Variants in PHYHIPL observed in about 807,000 individuals in gnomAD.
PHYHIPL encodes phytanoyl-CoA hydroxylase-interacting protein-like.
PHYHIPL carries 9 observed loss-of-function variants against 33.4 expected under a neutral mutation model. That is an observed-to-expected ratio of 0.27 (90% CI 0.16 to 0.47). The LOEUF is 0.47. Among genes scored for constraint, PHYHIPL ranks in the 20% least tolerant of loss-of-function variants. The probability of loss-of-function intolerance (pLI) is 0.99; values close to 1 mark genes in which losing one functional copy is unlikely to be tolerated. For missense variants in PHYHIPL, 365 were observed against 460.7 expected, an observed-to-expected ratio of 0.79 and a Z score of 1.90; for synonymous variants, 153 against 154.1, an observed-to-expected ratio of 0.99 and a Z score of 0.05.
In PHYHIPL at chr10:59,190,942, T is replaced by A. The variant is rs1838766951; in HGVS notation, c.106+13983T>A. Among the ~76,000 whole-genome samples the A allele has an allele frequency of 2.6e-5, 4 of 152,014 alleles. No individual in the cohort carries two copies. In the South Asian group the frequency reaches 8.3e-4, roughly 31 times the overall value. On this transcript the variant is annotated intron_variant, in intron 1 of 4. Coordinates refer to ENST00000373880, the MANE Select transcript of PHYHIPL (RefSeq NM_032439.4). ...ATTATCCAAAACTATTTTTTAAATA[T>A]CTAAATATCTAATCCTTATTAGTGT...
intron 4 of PHYHIPL, among the ~76,000 whole-genome samples, chr10:59,243,700 T>C (rs952728630): frequency 3.3e-5 from 5 of 152,134 alleles, no homozygotes; most frequent in Non-Finnish European, 7.3e-5. Context: ...TTTCCCTTAC[T>C]TGAGTAGTAG....
At chr10:59,242,618 T>C (rs1421268477) in intron 4 of PHYHIPL, among the ~76,000 whole-genome samples, 1 of 152,088 alleles carries the variant, frequency 6.6e-6, no homozygotes, top group Non-Finnish European at 1.5e-5. Context: ...CTGACAAAGA[T>C]ATTTAAGCAG....
At chr10:59,241,892 T>TAAAG (rs1564460845) in intron 4 of PHYHIPL, among the ~76,000 whole-genome samples, 3 of 152,032 alleles carry the variant, frequency 2.0e-5, no homozygotes, top group African/African-American at 7.2e-5. Flanking sequence ...AAAAAAGAAA[T>TAAAG]AAAGAACACC....
At position 59,191,142 on chromosome 10, in the gene PHYHIPL, T is replaced by G. The variant is rs1245315879; in HGVS notation, c.106+14183T>G. ...CATTTTCTTCTCCATTGTGTATTGTTTTACGATTTCTGAATTTACCTAGTT... is the reference window on the plus strand; with the variant it reads ...CATTTTCTTCTCCATTGTGTATTGTGTTACGATTTCTGAATTTACCTAGTT... On this transcript the variant is annotated intron_variant, in intron 1 of 4. Transcript: ENST00000373880. 4.6e-5 allele frequency among the ~76,000 whole-genome samples: 7 copies of G among 151,874 alleles called. No individual in the cohort carries two copies. The East Asian group carries it at 1.3e-3, about 29-fold the overall frequency.
intron 1 of PHYHIPL, among the ~76,000 whole-genome samples, chr10:59,226,611 A>G (rs1464180151): frequency 1.3e-5 from 2 of 152,144 alleles, no homozygotes; most frequent in Non-Finnish European, 2.9e-5. Context: ...GAGGTGTCCT[A>G]TAGGGAAGAG....
chr10:59,223,938 G>T (rs1839848177), intron 1 of PHYHIPL, among the ~76,000 whole-genome samples: 3 of 152,144 alleles, frequency 2.0e-5, no homozygotes. Flanking sequence ...GGGATTACAG[G>T]CATGATCCAC....
In PHYHIPL at chr10:59,246,106, A is replaced by G. The variant is rs1358862802; in HGVS notation, c.*515A>G. The G allele has an allele frequency of 2.6e-5, 4 of 152,930 alleles. No homozygotes were observed. The highest frequency in any genetic ancestry group is 9.6e-5 in the African/African-American group (4 of 41,466). 9.5% of individuals were successfully genotyped at this position (152,930 alleles called of 1,614,324 possible). ...TGTTATTTATATTAGCTAACAGGAA[A>G]CAACTACTGTGTTTCAACATAATAA... On this transcript the variant is annotated 3_prime_UTR_variant, in exon 5 of 5. Coordinates refer to ENST00000373880, the MANE Select transcript of PHYHIPL (RefSeq NM_032439.4).
In PHYHIPL at chr10:59,245,038, C is replaced by T. The variant is rs753976992; in HGVS notation, c.597-19C>T. 2 of 1,586,068 alleles carry T rather than the reference C, an allele frequency of 1.3e-6. No individual in the cohort carries two copies. The highest frequency in any genetic ancestry group is 1.7e-6 in the Non-Finnish European group (2 of 1,169,134). ...TACCACTATTGTATTAAGCAGTGAC[C>T]ACTTGTTTTCTCTTGCAGAGAACAT... On this transcript the variant is annotated intron_variant, in intron 4 of 4. Transcript: ENST00000373880.
chr10:59,180,390 A>G (rs1342850741), intron 1 of PHYHIPL, among the ~76,000 whole-genome samples: 1 of 145,490 alleles, frequency 6.9e-6, no homozygotes, highest in Non-Finnish European at 1.5e-5. Flanking sequence ...AACAGGAAAG[A>G]TTTATCTACA....
chr10:59,183,526 A>G, intron 1 of PHYHIPL: 1 of 297,082 alleles, frequency 3.4e-6, no homozygotes, highest in Non-Finnish European at 5.0e-6. Flanking sequence ...CTTCAGTTTT[A>G]CAGTGACTTT....
At chr10:59,235,159 A>C (rs1840187283) in intron 2 of PHYHIPL, among the ~76,000 whole-genome samples, 1 of 151,148 alleles carries the variant, frequency 6.6e-6, no homozygotes, top group Non-Finnish European at 1.5e-5. Flanking sequence ...AATTGCTTTA[A>C]GTAGTCTGCT....
intron 4 of PHYHIPL, among the ~76,000 whole-genome samples, chr10:59,239,848 A>C (rs1443832307): frequency 8.6e-6 from 1 of 116,858 alleles, no homozygotes; most frequent in African/African-American, 3.2e-5. Context: ...TTATCATTTT[A>C]AAAGCTTCAC....
At chr10:59,190,166 A>G (rs781186001) in intron 1 of PHYHIPL, among the ~76,000 whole-genome samples, 7 of 152,006 alleles carry the variant, frequency 4.6e-5, no homozygotes, top group Non-Finnish European at 8.8e-5. Flanking sequence ...ATTAGCAGCT[A>G]TGCTTGAAAG....
chr10:59,211,970 G>A (rs1839462378), intron 1 of PHYHIPL, among the ~76,000 whole-genome samples: 1 of 152,112 alleles, frequency 6.6e-6, no homozygotes, highest in African/African-American at 2.4e-5. Flanking sequence ...TTGAGAGGAG[G>A]GACTTTTAAG....
intron 1 of PHYHIPL, among the ~76,000 whole-genome samples, chr10:59,218,936 A>C (rs1336128295): frequency 6.6e-6 from 1 of 151,398 alleles, no homozygotes; most frequent in East Asian, 1.9e-4. Flanking sequence ...ATTTTATTTT[A>C]TTTATTTTTT....
At chr10:59,219,284 C>T in intron 1 of PHYHIPL, 1 of 890,542 alleles carries the variant, frequency 1.1e-6, no homozygotes, top group Non-Finnish European at 1.3e-6. Flanking sequence ...AGTGTTTCTG[C>T]ACATGGAAGA....
intron 1 of PHYHIPL, among the ~76,000 whole-genome samples, chr10:59,180,361 T>C (rs917306570): frequency 8.5e-6 from 1 of 117,414 alleles, no homozygotes; most frequent in African/African-American, 3.3e-5. Context: ...TATATATATA[T>C]ACTTTTTCTT....
intron 3 of PHYHIPL, 22 bp downstream of exon 3, chr10:59,236,679 A>G (rs1427509942): frequency 6.5e-7 from 1 of 1,544,758 alleles, no homozygotes; most frequent in Non-Finnish European, 8.7e-7. Flanking sequence ...AGGTACAAAT[A>G]TAGAAAAGCT....
At chr10:59,243,998 T>A (rs1467239015) in intron 4 of PHYHIPL, among the ~76,000 whole-genome samples, 4 of 152,130 alleles carry the variant, frequency 2.6e-5, no homozygotes. Flanking sequence ...AATGCAGCCC[T>A]GCCAGAACCA....
Sources: allele counts gnomAD v4.1 joint callset (sites outside exome capture counted in the v4.1 genomes callset), GRCh38; gene constraint gnomAD v4.1.1; transcripts MANE v1.5; gene names NCBI Gene and HGNC (gene_info 2026-07-23, HGNC 2026-07-21).